PAX5: variants seen among roughly 807,000 people sequenced by gnomAD.
PAX5 encodes paired box protein Pax-5.
A neutral mutation model predicts 43.7 loss-of-function variants in PAX5; 9 were observed. The ratio of observed to expected loss-of-function variants is 0.21; its 90% CI spans 0.12 to 0.36. The LOEUF is 0.36. Among genes scored for constraint, PAX5 ranks in the 10% least tolerant of loss-of-function variants. The probability of loss-of-function intolerance (pLI) is 1.00; values close to 1 mark genes in which losing one functional copy is unlikely to be tolerated. For synonymous variants in PAX5, 228 were observed against 214.3 expected (o/e 1.06, Z -0.56); for missense variants, 383 against 532.7 (o/e 0.72, Z 2.77).
chr9:37,010,639 C>G (rs572615667), intron 3 of PAX5, among the ~76,000 whole-genome samples: 1 of 152,240 alleles, frequency 6.6e-6, no homozygotes, highest in African/African-American at 2.4e-5. Context: ...ACCACCAGTC[C>G]TCACAAAATT....
chr9:36,901,779 G>A (rs573263505), intron 7 of PAX5, among the ~76,000 whole-genome samples: 1 of 152,288 alleles, frequency 6.6e-6, no homozygotes, highest in East Asian at 1.9e-4. Flanking sequence ...ACATCGCCTT[G>A]CTGAGCCTCA....
chr9:36,847,868 C>T (rs1251958610), intron 8 of PAX5, among the ~76,000 whole-genome samples: 2 of 152,182 alleles, frequency 1.3e-5, no homozygotes, highest in East Asian at 3.9e-4. Flanking sequence ...ACCTTGCTGC[C>T]TTGGTCTTGT....
At chr9:37,024,873 G>A (rs1005561038) in intron 1 of PAX5, among the ~76,000 whole-genome samples, 1 of 152,216 alleles carries the variant, frequency 6.6e-6, no homozygotes, top group African/African-American at 2.4e-5. Flanking sequence ...GAAGGACACA[G>A]TGAGGGCCTG....
At chr9:36,922,048 G>A (rs1388602002) in intron 7 of PAX5, among the ~76,000 whole-genome samples, 1 of 152,184 alleles carries the variant, frequency 6.6e-6, no homozygotes, top group Non-Finnish European at 1.5e-5. Context: ...CACCTCAGGT[G>A]GATGGGGGAC....
At chr9:37,026,829 G>A in intron 1 of PAX5, 1 of 591,154 alleles carries the variant, frequency 1.7e-6, no homozygotes, top group Non-Finnish European at 2.1e-6. Flanking sequence ...TTCCCTCCCT[G>A]GCTGGCTCAA....
chr9:36,838,896 A>T lies in PAX5; in HGVS notation c.*1664T>A, dbSNP rs1036504940. ...GACATGTGGCCAGGACCAGGACAAG[A>T]CCTGCCTGGCCTGCTGATCCCAAGT... is the stretch of plus-strand genomic sequence containing the variant. On this transcript the variant is annotated 3_prime_UTR_variant, in exon 10 of 10. Coordinates refer to ENST00000358127, the MANE Select transcript of PAX5 (RefSeq NM_016734.3). The T allele has an allele frequency of 2.6e-5, 6 of 233,152 alleles. No homozygotes were observed. Among genetic ancestry groups the T allele is most frequent in the African/African-American group, 1.3e-4 (6 of 45,306 alleles). 14.4% of individuals were successfully genotyped at this position (233,152 alleles called of 1,614,324 possible). A position where few individuals can be genotyped will look rare whatever the true frequency, so the allele number is the denominator to read the frequency against.
In PAX5 at chr9:36,836,507, C is replaced by T. The variant is rs1289835562; in HGVS notation, c.*4053G>A. ...GGCCCATGGACATTTTTCTTTAGGC[C>T]GACAGAAAATTTTACAAGTTTTCAT... On this transcript the variant is annotated 3_prime_UTR_variant, in exon 10 of 10. Coordinates refer to ENST00000358127, the MANE Select transcript of PAX5 (RefSeq NM_016734.3). 3 of 233,080 alleles carry T rather than the reference C, an allele frequency of 1.3e-5. No individual in the cohort carries two copies. Among genetic ancestry groups the T allele is most frequent in the South Asian group, 1.8e-4 (1 of 5,528 alleles). 14.4% of individuals were successfully genotyped at this position (233,080 alleles called of 1,614,324 possible).
intron 6 of PAX5, among the ~76,000 whole-genome samples, chr9:36,939,028 T>A (rs928215532): frequency 2.6e-5 from 4 of 152,186 alleles, no homozygotes; most frequent in Non-Finnish European, 4.4e-5. Context: ...ATTTTAAAAG[T>A]TTATTGGTGC....
At chr9:37,002,132 G>A (rs534165499) in intron 5 of PAX5, among the ~76,000 whole-genome samples, 4 of 151,278 alleles carry the variant, frequency 2.6e-5, no homozygotes, top group South Asian at 4.2e-4. Context: ...CCTCAGCACC[G>A]CCCCCCAACA....
chr9:36,994,870 G>T (rs1001932983), intron 5 of PAX5, among the ~76,000 whole-genome samples: 29 of 152,204 alleles, frequency 1.9e-4, no homozygotes, highest in African/African-American at 7.0e-4. Context: ...TACAGGGCAA[G>T]CCAAGGAAAG....
chr9:36,922,017 G>C (rs117419813), intron 7 of PAX5, among the ~76,000 whole-genome samples: 10 of 152,262 alleles, frequency 6.6e-5, no homozygotes, highest in Admixed American at 5.9e-4. Context: ...TCAGGCCTGG[G>C]TGCACTCCAG....
intron 6 of PAX5, among the ~76,000 whole-genome samples, chr9:36,940,940 A>T (rs1831999075): frequency 6.6e-6 from 1 of 152,192 alleles, no homozygotes; most frequent in Non-Finnish European, 1.5e-5. Context: ...AGAGCCCTGA[A>T]AACAGGTTAA....
intron 7 of PAX5, among the ~76,000 whole-genome samples, chr9:36,904,075 G>C (rs147345026): frequency 1.3e-5 from 2 of 152,202 alleles, no homozygotes; most frequent in African/African-American, 4.8e-5. Flanking sequence ...AGTGAAATGA[G>C]GATGAGAAGA....
intron 3 of PAX5, among the ~76,000 whole-genome samples, chr9:37,008,572 G>A (rs879621750): frequency 2.0e-4 from 31 of 152,124 alleles, no homozygotes; most frequent in Non-Finnish European, 2.9e-5. Flanking sequence ...CTTGGTGCTC[G>A]GCACCAAGGG....
At chr9:36,962,536 G>A (rs1588091884) in intron 6 of PAX5, among the ~76,000 whole-genome samples, 1 of 152,340 alleles carries the variant, frequency 6.6e-6, no homozygotes, top group East Asian at 1.9e-4. Flanking sequence ...TGAACTGAAC[G>A]CTGTGGTGTG....
At chr9:36,853,174 C>G (rs1158836275) in intron 8 of PAX5, among the ~76,000 whole-genome samples, 1 of 152,152 alleles carries the variant, frequency 6.6e-6, no homozygotes, top group Non-Finnish European at 1.5e-5. Context: ...TACACTTTCC[C>G]CTAAGTACTT....
At chr9:36,983,755 T>C (rs1398320068) in intron 5 of PAX5, among the ~76,000 whole-genome samples, 1 of 152,198 alleles carries the variant, frequency 6.6e-6, no homozygotes, top group African/African-American at 2.4e-5. Context: ...ATTACAGGCA[T>C]GAGCCACCTT....
At chr9:37,004,246 T>C (rs1838193163) in intron 4 of PAX5, among the ~76,000 whole-genome samples, 1 of 152,180 alleles carries the variant, frequency 6.6e-6, no homozygotes, top group South Asian at 2.1e-4. Flanking sequence ...TTGTGCAAGT[T>C]TCACATTAAC....
In PAX5 at chr9:37,020,791, T is replaced by C. The variant is rs1393223024; in HGVS notation, c.57A>G (p.Gly19=). The change falls in exon 2 of 10, where the codon GGA becomes GGG. Residue 19 remains glycine, a synonymous_variant. Transcript: ENST00000358127. ...TPRTSRTGHG[G]VNQLGGVFVN... is the part of the protein sequence containing the mutation. The stretch of plus-strand genomic sequence containing the variant: ...CAAAAACCCCCCCAAGCTGATTCAC[T>C]CCTCCATGTCCTGAAACAGATCAGA... 2 of 1,613,892 alleles carry C rather than the reference T, an allele frequency of 1.2e-6. No individual in the cohort carries two copies. The highest frequency in any genetic ancestry group is 2.2e-5 in the South Asian group (2 of 91,060).
Sources: gnomAD v4.1 joint callset for allele counts (sites outside exome capture counted in the v4.1 genomes callset) on GRCh38, gnomAD v4.1.1 for gene constraint, MANE v1.5 for transcripts, NCBI Gene and HGNC (gene_info 2026-07-23, HGNC 2026-07-21) for gene names.